ATP6V1E1: variants seen among roughly 807,000 people sequenced by gnomAD.
The protein encoded by ATP6V1E1 is ATPase H+ transporting V1 subunit E1.
ATP6V1E1 carries 21 observed loss-of-function variants against 35.2 expected under a neutral mutation model. The observed-to-expected ratio is 0.60, with a 90% CI of 0.42 to 0.86. The LOEUF is 0.86. ATP6V1E1 is among the 40% of genes least tolerant of loss of function. The pLI is 0.00. For missense variants in ATP6V1E1, 183 were observed against 272.6 expected (o/e 0.67, Z 2.32); for synonymous variants, 83 against 87.8 (o/e 0.95, Z 0.30).
At chr22:17,625,479 A>C (rs1037601747) in intron 1 of ATP6V1E1, among the ~76,000 whole-genome samples, 1 of 151,578 alleles carries the variant, frequency 6.6e-6, no homozygotes, top group Non-Finnish European at 1.5e-5. Flanking sequence ...CTGGTCTCAA[A>C]CTCCCAACCT....
At chr22:17,618,583 C>T (rs976383664) in intron 2 of ATP6V1E1, among the ~76,000 whole-genome samples, 1 of 146,264 alleles carries the variant, frequency 6.8e-6, no homozygotes, top group Non-Finnish European at 1.5e-5. Context: ...TCGGGAGGCT[C>T]AGGCAAGAGA....
Position 17,616,836 on chromosome 22 carries a change from C to T in ATP6V1E1, c.99+2625G>A, listed in dbSNP as rs2057848277. ...GGCCGAGGCGGGCGGATCACGAGGT[C>T]AGGAGATCGAGACCATCCCGGCTAA... On this transcript the variant is annotated intron_variant, in intron 2 of 8. Transcript: ENST00000253413. Among the ~76,000 whole-genome samples the T allele has an allele frequency of 3.0e-5, 2 of 66,240 alleles. 1 individual carries two copies. Among genetic ancestry groups the T allele is most frequent in the Non-Finnish European group, 6.8e-5 (2 of 29,458 alleles). 43.5% of individuals were successfully genotyped at this position (66,240 alleles called of 152,430 possible). A position where few individuals can be genotyped will look rare whatever the true frequency, so the allele number is the denominator to read the frequency against.
At chr22:17,614,815 A>G (rs1010802725) in intron 2 of ATP6V1E1, among the ~76,000 whole-genome samples, 2 of 151,572 alleles carry the variant, frequency 1.3e-5, no homozygotes, top group African/African-American at 2.4e-5. Context: ...AAAAAATACA[A>G]AAAATTAGGC....
rs1273595276 is a variant in ATP6V1E1 at position 17,600,075 on chromosome 22, C to T, written c.387G>A (p.Glu129=). The T allele has an allele frequency of 1.2e-6, 2 of 1,613,634 alleles. No individual in the cohort carries two copies. Among genetic ancestry groups the T allele is most frequent in the South Asian group, 1.1e-5 (1 of 91,070 alleles). The change falls in exon 6 of 9, where the codon GAG becomes GAA. Residue 129 remains glutamate (E), a synonymous_variant. Transcript: ENST00000253413. ...LVLQGLYQLL[E]PRMIVRCRKQ... ...TCCTGCAACGAACAATCATTCGGGG[C>T]TCCAGCAACTGGTACAAACCCTGGA...
chr22:17,624,090 T>C (rs1177528881), intron 1 of ATP6V1E1, among the ~76,000 whole-genome samples: 1 of 152,188 alleles, frequency 6.6e-6, no homozygotes, highest in African/African-American at 2.4e-5. Context: ...AATATTTTCA[T>C]GCAATGGAGA....
intron 1 of ATP6V1E1, among the ~76,000 whole-genome samples, chr22:17,624,022 T>G (rs2057891326): frequency 6.6e-6 from 1 of 152,244 alleles, no homozygotes; most frequent in Admixed American, 6.5e-5. Flanking sequence ...GTCAGGTTTC[T>G]TTGTAAATTT....
At chr22:17,609,704 C>T (rs1484583297) in intron 4 of ATP6V1E1, among the ~76,000 whole-genome samples, 1 of 147,214 alleles carries the variant, frequency 6.8e-6, no homozygotes, top group Non-Finnish European at 1.5e-5. Context: ...CTCCTGACCT[C>T]GTGATCCGCC....
chr22:17,609,721 G>A (rs1297662834), intron 4 of ATP6V1E1, among the ~76,000 whole-genome samples: 2 of 142,048 alleles, frequency 1.4e-5, no homozygotes, highest in Non-Finnish European at 3.1e-5. Context: ...CGCCCGCCTC[G>A]GCCTCCCAAA....
intron 4 of ATP6V1E1, chr22:17,612,554 T>C: frequency 2.8e-6 from 1 of 362,842 alleles, no homozygotes; most frequent in Middle Eastern, 7.9e-4. Context: ...CACTGGTCCC[T>C]GTACCCTCAT....
chr22:17,625,820 T>A (rs2057901302), intron 1 of ATP6V1E1, among the ~76,000 whole-genome samples: 1 of 152,002 alleles, frequency 6.6e-6, no homozygotes. Context: ...GAGAGTCTTT[T>A]GCATGACAAA....
At chr22:17,609,464 C>CTTTTTT (rs61116267) in intron 4 of ATP6V1E1, among the ~76,000 whole-genome samples, 1 of 90,710 alleles carries the variant, frequency 1.1e-5, no homozygotes, top group Non-Finnish European at 2.1e-5. Flanking sequence ...CCATCCTGCT[C>CTTTTTT]TTTTTTTTTT....
intron 7 of ATP6V1E1, among the ~76,000 whole-genome samples, chr22:17,597,302 G>C (rs928948083): frequency 6.6e-6 from 1 of 151,338 alleles, no homozygotes. Flanking sequence ...AGTGTGGCTA[G>C]GTGGCCTCAG....
At chr22:17,620,155 T>G (rs1601394831) in intron 1 of ATP6V1E1, among the ~76,000 whole-genome samples, 1 of 151,434 alleles carries the variant, frequency 6.6e-6, no homozygotes, top group East Asian at 1.9e-4. Flanking sequence ...CCTTTGTTTT[T>G]TTTTTTTTTT....
intron 4 of ATP6V1E1, among the ~76,000 whole-genome samples, chr22:17,606,211 C>G (rs5746440): frequency 0.12 from 18,851 of 152,194 alleles, 1,604 homozygotes; most frequent in Non-Finnish European, 0.18. Context: ...AATTTTTACC[C>G]CAGTTCTGTA....
At chr22:17,615,238 T>C (rs1476117221) in intron 2 of ATP6V1E1, among the ~76,000 whole-genome samples, 1 of 152,016 alleles carries the variant, frequency 6.6e-6, no homozygotes, top group African/African-American at 2.4e-5. Flanking sequence ...GAGGCAGAGA[T>C]TACAGTGAGC....
chr22:17,598,410 GC>G (rs1288027325), intron 6 of ATP6V1E1, 122 bp from the exon 7 acceptor site: 1 of 763,508 alleles, frequency 1.3e-6, no homozygotes, highest in African/African-American at 1.7e-5. Flanking sequence ...CAGAGGCACC[GC>G]TGGTGGGAAT....
intron 2 of ATP6V1E1, among the ~76,000 whole-genome samples, chr22:17,615,545 A>T (rs899289281): frequency 6.6e-6 from 1 of 151,928 alleles, no homozygotes; most frequent in Non-Finnish European, 1.5e-5. Flanking sequence ...CCAGAAGCTA[A>T]GGCAGGAGAA....
At chr22:17,612,646 T>C in intron 4 of ATP6V1E1, 166 bp downstream of exon 4, 2 of 642,458 alleles carry the variant, frequency 3.1e-6, no homozygotes, top group South Asian at 2.3e-5. Flanking sequence ...GGTCCTTCAA[T>C]ACAGGCCTTG....
At chr22:17,600,992 GAA>G (rs2057759107) in intron 5 of ATP6V1E1, 98 bp downstream of exon 5, 2 of 996,584 alleles carry the variant, frequency 2.0e-6, no homozygotes, top group Non-Finnish European at 1.5e-6. Flanking sequence ...AAAAACTAGA[GAA>G]ATGAGAAAGC....
Sources: gnomAD v4.1 joint callset for allele counts (sites outside exome capture counted in the v4.1 genomes callset) on GRCh38, gnomAD v4.1.1 for gene constraint, MANE v1.5 for transcripts, NCBI Gene and HGNC (gene_info 2026-07-23, HGNC 2026-07-21) for gene names.